The following WIPI1 variants were observed in gnomAD, a reference collection of about 807,000 sequenced individuals.
WIPI1 encodes the protein WD repeat domain phosphoinositide-interacting protein 1.
In WIPI1, 45 loss-of-function variants were observed where a neutral mutation model predicts 55.3. The observed-to-expected ratio is 0.81, with a 90% confidence interval of 0.64 to 1.04. WIPI1 has a LOEUF of 1.04. Ranked by LOEUF, WIPI1 falls within the 50% of genes least tolerant of loss-of-function variation. The pLI is 0.00. For synonymous variants in WIPI1, 195 were observed against 217.6 expected (o/e 0.90, Z 0.92); for missense variants, 445 against 559.0 (o/e 0.80, Z 2.06).
chr17:68,451,023 C>T, intron 2 of WIPI1, 126 bp from the exon 3 acceptor site: 1 of 1,330,182 alleles, frequency 7.5e-7, no homozygotes, highest in East Asian at 2.6e-5. Flanking sequence ...CGGCCAGGCG[C>T]CCTCTCTGAG....
chr17:68,421,961 T>A lies in WIPI1; in HGVS notation c.1294-141A>T, dbSNP rs1455157862. ...GAATTTTTCTGTCTGAACTCGCTCA[T>A]GGCCACAGAATGGTCACCCAGCTTA... is the stretch of plus-strand genomic sequence containing the variant. On this transcript the variant is annotated intron_variant, in intron 12 of 12. Transcript: ENST00000262139. 3.1e-6 allele frequency: 3 copies of A among 980,116 alleles called. No homozygotes were observed. In the African/African-American group the frequency reaches 4.8e-5, roughly 16 times the overall value. 60.7% of individuals were successfully genotyped at this position (980,116 alleles called of 1,614,324 possible).
rs944783251 is a variant in WIPI1 at position 68,426,015 on chromosome 17, C to A, written c.1293+60G>T. 6 of 1,387,014 alleles carry A rather than the reference C, an allele frequency of 4.3e-6. No individual in the cohort carries two copies. The African/African-American group carries it at 7.1e-5, about 16-fold the overall frequency. 85.9% of individuals were successfully genotyped at this position (1,387,014 alleles called of 1,614,324 possible). On this transcript the variant is annotated intron_variant, in intron 12 of 12. Coordinates refer to ENST00000262139, the MANE Select transcript of WIPI1 (RefSeq NM_017983.7). The stretch of plus-strand genomic sequence containing the variant: ...AAGGGACTCTGCCTCTCGTATGAGG[C>A]GAAGGTTTCCTTCTAAGCACACAGA...
At chr17:68,425,512 C>A (rs1396593901) in intron 12 of WIPI1, among the ~76,000 whole-genome samples, 1 of 151,744 alleles carries the variant, frequency 6.6e-6, no homozygotes, top group Non-Finnish European at 1.5e-5. Flanking sequence ...TGAGCCACCG[C>A]ACCCGGCCAC....
intron 12 of WIPI1, among the ~76,000 whole-genome samples, chr17:68,424,062 G>A (rs919934263): frequency 1.3e-5 from 2 of 152,140 alleles, no homozygotes; most frequent in African/African-American, 2.4e-5. Flanking sequence ...AATAACCACC[G>A]CCTCTTGAGG....
chr17:68,421,696 CCATT>C lies in WIPI1; in HGVS notation c.*73_*76del. 14 of 1,603,334 alleles carry C rather than the reference CCATT, an allele frequency of 8.7e-6. No homozygotes were observed. Among genetic ancestry groups the C allele is most frequent in the Non-Finnish European group, 1.2e-5 (14 of 1,170,630 alleles). ...CCCTTTCTGCTCACACAATTGCACT[CCATT>C]CTTCCGCCTTCCTTGTTTTCTCCAA... is the stretch of plus-strand genomic sequence containing the variant. On this transcript the variant is annotated 3_prime_UTR_variant, in exon 13 of 13. Coordinates refer to ENST00000262139, the MANE Select transcript of WIPI1 (RefSeq NM_017983.7).
chr17:68,452,436 G>A (rs2084533030), intron 2 of WIPI1, among the ~76,000 whole-genome samples: 1 of 152,164 alleles, frequency 6.6e-6, no homozygotes. Context: ...TTGGTGGCAT[G>A]TGCCTGTAAT....
At chr17:68,441,415 G>A (rs192920596) in intron 4 of WIPI1, among the ~76,000 whole-genome samples, 49 of 152,324 alleles carry the variant, frequency 3.2e-4, no homozygotes, top group Non-Finnish European at 6.5e-4. Context: ...ACAATTAGAC[G>A]AGTGATTGTG....
intron 4 of WIPI1, among the ~76,000 whole-genome samples, chr17:68,437,789 T>C (rs55968604): frequency 2.6e-5 from 4 of 151,920 alleles, no homozygotes; most frequent in Admixed American, 6.5e-5. Context: ...GCTGTTTTTA[T>C]TTATAAGGGG....
intron 3 of WIPI1, among the ~76,000 whole-genome samples, chr17:68,445,697 G>A (rs967343547): frequency 3.9e-5 from 6 of 152,196 alleles, no homozygotes; most frequent in Non-Finnish European, 5.9e-5. Flanking sequence ...TTGATGTATC[G>A]GGTGTTTAAA....
At chr17:68,430,655 C>T (rs1473620244) in intron 8 of WIPI1, among the ~76,000 whole-genome samples, 2 of 152,122 alleles carry the variant, frequency 1.3e-5, no homozygotes, top group African/African-American at 4.8e-5. Context: ...CTGGAGTCAC[C>T]CAGGTACCCA....
chr17:68,428,772 GACAACTCTAC>G (rs1315632274), intron 10 of WIPI1, 47 bp downstream of exon 10: 25 of 1,376,252 alleles, frequency 1.8e-5, no homozygotes, highest in Non-Finnish European at 2.5e-5. Flanking sequence ...TTGGCGAAGG[GACAACTCTAC>G]ACGACCAGCT....
chr17:68,424,435 A>C (rs781652035), intron 12 of WIPI1: 1 of 534,656 alleles, frequency 1.9e-6, no homozygotes, highest in East Asian at 5.4e-5. Context: ...CCAGACCTGC[A>C]CTCCATCCTT....
At chr17:68,443,601 G>T (rs779992369) in intron 4 of WIPI1, among the ~76,000 whole-genome samples, 1 of 152,150 alleles carries the variant, frequency 6.6e-6, no homozygotes, top group East Asian at 1.9e-4. Flanking sequence ...CTGGGAGATG[G>T]GTATTATTCA....
At chr17:68,457,012 C>T (rs1005784283) in intron 1 of WIPI1, among the ~76,000 whole-genome samples, 10 of 152,198 alleles carry the variant, frequency 6.6e-5, no homozygotes, top group African/African-American at 2.4e-4. Flanking sequence ...CCCAGACACC[C>T]ACTTTGGTCA....
chr17:68,451,126 CTAAAG>C (rs2084485051), intron 2 of WIPI1, among the ~76,000 whole-genome samples: 1 of 152,236 alleles, frequency 6.6e-6, no homozygotes, highest in African/African-American at 2.4e-5. Context: ...TTCCAAATAT[CTAAAG>C]TAAAGAAAAC....
chr17:68,432,873 C>T (rs1016319842), intron 8 of WIPI1, among the ~76,000 whole-genome samples: 7 of 152,194 alleles, frequency 4.6e-5, no homozygotes, highest in Non-Finnish European at 8.8e-5. Context: ...CCAGAATTTT[C>T]CAACCCCCAT....
intron 8 of WIPI1, 152 bp from the exon 9 acceptor site, chr17:68,430,312 G>T (rs2083452659): frequency 1.4e-6 from 1 of 716,868 alleles, no homozygotes; most frequent in Admixed American, 3.1e-5. Flanking sequence ...AACAATCCAG[G>T]ACGTATTATT....
intron 6 of WIPI1, 36 bp from the exon 7 acceptor site, chr17:68,434,662 T>C (rs750613411): frequency 1.2e-6 from 2 of 1,608,680 alleles, no homozygotes; most frequent in Non-Finnish European, 1.7e-6. Context: ...TCATAACCAT[T>C]AGTGGCTTTA....
intron 12 of WIPI1, among the ~76,000 whole-genome samples, chr17:68,425,246 T>C (rs541830193): frequency 6.6e-6 from 1 of 152,340 alleles, no homozygotes; most frequent in South Asian, 2.1e-4. Flanking sequence ...CTCTTTCACC[T>C]AGGCTGGAGT....
Sources: gnomAD v4.1 joint callset for allele counts (sites outside exome capture counted in the v4.1 genomes callset) on GRCh38, gnomAD v4.1.1 for gene constraint, MANE v1.5 for transcripts, NCBI Gene and HGNC (gene_info 2026-07-23, HGNC 2026-07-21) for gene names.